CDH6: variants seen among roughly 807,000 people sequenced by gnomAD.
CDH6 encodes the protein cadherin-6.
In CDH6, 31 loss-of-function variants were observed where a neutral mutation model predicts 78.0. That is an observed-to-expected ratio of 0.40 (90% CI 0.30 to 0.54). The LOEUF (loss-of-function observed/expected upper bound fraction) is 0.54, where lower values mean the gene tolerates loss of function less well. Ranked by LOEUF, CDH6 falls within the 20% of genes least tolerant of loss-of-function variation. The pLI, the probability that CDH6 is intolerant of heterozygous loss-of-function variation, is 0.56. For missense variants in CDH6, 724 were observed against 975.9 expected (o/e 0.74, Z 3.44); for synonymous variants, 376 against 368.8 (o/e 1.02, Z -0.23).
chr5:31,241,115 C>A (rs771090640), intron 1 of CDH6, among the ~76,000 whole-genome samples: 37 of 152,154 alleles, frequency 2.4e-4, no homozygotes, highest in Admixed American at 1.3e-4. Flanking sequence ...TCATCAGGTA[C>A]AGAGAGGAGA....
At chr5:31,220,415 T>C (rs1740974705) in intron 1 of CDH6, among the ~76,000 whole-genome samples, 1 of 152,168 alleles carries the variant, frequency 6.6e-6, no homozygotes, top group Non-Finnish European at 1.5e-5. Context: ...CTGATACTCT[T>C]AGAGTTAGTG....
intron 1 of CDH6, among the ~76,000 whole-genome samples, chr5:31,224,272 A>G (rs1199888537): frequency 6.6e-6 from 1 of 152,160 alleles, no homozygotes; most frequent in Non-Finnish European, 1.5e-5. Flanking sequence ...CATGAGACTT[A>G]TTCACTATCG....
intron 4 of CDH6, among the ~76,000 whole-genome samples, chr5:31,298,549 G>A (rs947474368): frequency 1.1e-4 from 16 of 152,184 alleles, no homozygotes; most frequent in South Asian, 2.1e-4. Context: ...TTGACCTGTT[G>A]TCTGAAGTAT....
chr5:31,236,695 G>A (rs1336647294), intron 1 of CDH6, among the ~76,000 whole-genome samples: 1 of 152,138 alleles, frequency 6.6e-6, no homozygotes, highest in South Asian at 2.1e-4. Flanking sequence ...CCATCTCCCA[G>A]TGTCATTTTG....
chr5:31,306,648 T>C (rs557183968), intron 7 of CDH6, among the ~76,000 whole-genome samples: 1 of 152,176 alleles, frequency 6.6e-6, no homozygotes, highest in East Asian at 1.9e-4. Context: ...CTAGAGAAAC[T>C]CTTGCCAATG....
chr5:31,318,011 A>G (rs748122697), intron 11 of CDH6, 87 bp downstream of exon 11: 2 of 1,462,024 alleles, frequency 1.4e-6, no homozygotes, highest in Non-Finnish European at 1.9e-6. Flanking sequence ...TGCCTCCCCC[A>G]TTAAGGCATA....
At chr5:31,199,576 T>C (rs1295605439) in intron 1 of CDH6, among the ~76,000 whole-genome samples, 1 of 146,858 alleles carries the variant, frequency 6.8e-6, no homozygotes, top group Non-Finnish European at 1.5e-5. Flanking sequence ...GCTCAGAGCA[T>C]ATATATCTAT....
intron 1 of CDH6, among the ~76,000 whole-genome samples, chr5:31,235,939 A>G (rs1278903834): frequency 1.3e-5 from 2 of 152,160 alleles, no homozygotes; most frequent in African/African-American, 2.4e-5. Context: ...CCATATTTGT[A>G]TTAATTTATG....
chr5:31,255,393 T>C (rs1049668670), intron 1 of CDH6, among the ~76,000 whole-genome samples: 1 of 152,256 alleles, frequency 6.6e-6, no homozygotes, highest in African/African-American at 2.4e-5. Flanking sequence ...TTTAAACATG[T>C]ATTAATTAAC....
At chr5:31,237,802 C>T (rs1341758106) in intron 1 of CDH6, among the ~76,000 whole-genome samples, 3 of 152,116 alleles carry the variant, frequency 2.0e-5, no homozygotes, top group Non-Finnish European at 2.9e-5. Context: ...GAAGTAGCAG[C>T]GAACAGAATG....
Position 31,298,492 on chromosome 5 carries a change from C to T in CDH6, c.644-972C>T, listed in dbSNP as rs563744071. On this transcript the variant is annotated intron_variant, in intron 4 of 11. Transcript: ENST00000265071. ...TAGAGAAGTACTATTATTTGGAGAA[C>T]AGAAAGCAGCCGCACTTTCACTGAA... Among the ~76,000 whole-genome samples the T allele has an allele frequency of 2.6e-5, 4 of 152,280 alleles. No individual in the cohort carries two copies. In the East Asian group the frequency reaches 5.8e-4, roughly 22 times the overall value.
intron 1 of CDH6, among the ~76,000 whole-genome samples, chr5:31,243,683 T>C (rs769155215): frequency 1.3e-5 from 2 of 152,142 alleles, no homozygotes; most frequent in Non-Finnish European, 2.9e-5. Context: ...CATCTCCAGC[T>C]CAGACTCCAG....
At position 31,323,303 on chromosome 5, in the gene CDH6, T is replaced by G; in HGVS notation, c.2368T>G (p.Ser790Ala). The part of the protein sequence containing the change: ...MYGGVDSDKD[S>A] ...TGGAGGAGTGGACAGTGACAAAGAC[T>G]CCTAATCTGTTGCCTTTTTCATTTT... The change falls in exon 12 of 12, where the codon TCC becomes GCC. Residue 790 changes from serine (S) to alanine (A), a missense_variant. Physicochemically the swap from Ser to Ala is moderately conservative, Grantham distance 99. This residue lies in a region of CDH6 where 220 missense variants were observed against 240.6 expected (regional missense o/e 0.91). Transcript: ENST00000265071. 3.8e-6 allele frequency: 6 copies of G among 1,599,074 alleles called. No homozygotes were observed. Among genetic ancestry groups the G allele is most frequent in the Non-Finnish European group, 5.1e-6 (6 of 1,168,438 alleles).
intron 1 of CDH6, among the ~76,000 whole-genome samples, chr5:31,245,424 C>T (rs753873565): frequency 3.9e-5 from 6 of 152,112 alleles, no homozygotes; most frequent in Non-Finnish European, 8.8e-5. Flanking sequence ...CTCTGTCTTT[C>T]CCTTTCTCTC....
chr5:31,225,118 A>G (rs573907266), intron 1 of CDH6, among the ~76,000 whole-genome samples: 1 of 152,338 alleles, frequency 6.6e-6, no homozygotes, highest in African/African-American at 2.4e-5. Context: ...GTCTGGCCCA[A>G]ATGCAAATAG....
At chr5:31,280,512 G>T (rs1579877985) in intron 2 of CDH6, among the ~76,000 whole-genome samples, 1 of 152,124 alleles carries the variant, frequency 6.6e-6, no homozygotes, top group African/African-American at 2.4e-5. Flanking sequence ...TGAGGCTAGA[G>T]TTCAGCTTTC....
intron 1 of CDH6, among the ~76,000 whole-genome samples, chr5:31,213,120 A>G (rs1372418036): frequency 6.6e-6 from 1 of 152,188 alleles, no homozygotes; most frequent in African/African-American, 2.4e-5. Context: ...TTGAATGCGT[A>G]CTCTTCAAAT....
chr5:31,320,737 C>A (rs775954299), intron 11 of CDH6, among the ~76,000 whole-genome samples: 1 of 151,954 alleles, frequency 6.6e-6, no homozygotes, highest in African/African-American at 2.4e-5. Flanking sequence ...CAACACTTTG[C>A]GAGGCCGAGG....
At chr5:31,273,089 A>G (rs534113726) in intron 2 of CDH6, among the ~76,000 whole-genome samples, 1 of 152,252 alleles carries the variant, frequency 6.6e-6, no homozygotes, top group Admixed American at 6.5e-5. Flanking sequence ...GTTGTCAGCC[A>G]TACACACCTT....
Sources: allele counts gnomAD v4.1 joint callset (sites outside exome capture counted in the v4.1 genomes callset), GRCh38; gene constraint gnomAD v4.1.1; regional missense constraint gnomAD v4.1.1; transcripts MANE v1.5; gene names NCBI Gene and HGNC (gene_info 2026-07-23, HGNC 2026-07-21).